The following PALM2AKAP2 variants were observed in gnomAD, a reference collection of about 807,000 sequenced individuals.
PALM2AKAP2 encodes PALM2-AKAP2 fusion protein.
A neutral mutation model predicts 71.5 loss-of-function variants in PALM2AKAP2; 37 were observed. That is an observed-to-expected ratio of 0.52 (90% CI 0.40 to 0.68). PALM2AKAP2 has a LOEUF of 0.68. Ranked by LOEUF, PALM2AKAP2 falls within the 30% of genes least tolerant of loss-of-function variation. The probability of loss-of-function intolerance (pLI) is 0.00; values close to 1 mark genes in which losing one functional copy is unlikely to be tolerated. For synonymous variants in PALM2AKAP2, 468 were observed against 478.8 expected (o/e 0.98, Z 0.29); for missense variants, 1,224 against 1,191.8 (o/e 1.03, Z -0.40).
At chr9:110,009,975 GAC>G (rs1832851131) in intron 6 of PALM2AKAP2, among the ~76,000 whole-genome samples, 1 of 152,186 alleles carries the variant, frequency 6.6e-6, no homozygotes, top group African/African-American at 2.4e-5. Context: ...TGTGAATGGA[GAC>G]ACAGATGTTG....
At chr9:109,681,326 T>C (rs182178734) in intron 1 of PALM2AKAP2, among the ~76,000 whole-genome samples, 16 of 152,336 alleles carry the variant, frequency 1.1e-4, no homozygotes, top group East Asian at 5.8e-4. Context: ...ATAGCTGTAA[T>C]TGGTTATTTA....
chr9:110,111,940 A>G (rs1015749075), intron 1 of PALM2AKAP2, among the ~76,000 whole-genome samples: 3 of 151,638 alleles, frequency 2.0e-5, no homozygotes, highest in Non-Finnish European at 4.4e-5. Context: ...TCAGATCCCC[A>G]CCTTCTGCCC....
At chr9:110,084,527 C>T (rs1834516895) in intron 1 of PALM2AKAP2, among the ~76,000 whole-genome samples, 1 of 152,122 alleles carries the variant, frequency 6.6e-6, no homozygotes, top group African/African-American at 2.4e-5. Context: ...CCAGGAGCTT[C>T]CTCAGATACC....
upstream of PALM2AKAP2, among the ~76,000 whole-genome samples, chr9:110,044,669 T>A (rs1422225653): frequency 6.6e-6 from 1 of 151,536 alleles, no homozygotes; most frequent in African/African-American, 2.4e-5. Flanking sequence ...TTTCTTACTT[T>A]TTTTTTTTTT....
chr9:110,015,126 G>A (rs1247285271), intron 6 of PALM2AKAP2, among the ~76,000 whole-genome samples: 2 of 151,836 alleles, frequency 1.3e-5, no homozygotes, highest in African/African-American at 4.8e-5. Flanking sequence ...AGAGAACATG[G>A]GCAGATTTTA....
At chr9:109,858,152 G>A (rs1029780818) in intron 1 of PALM2AKAP2, among the ~76,000 whole-genome samples, 8 of 152,120 alleles carry the variant, frequency 5.3e-5, no homozygotes, top group African/African-American at 1.9e-4. Flanking sequence ...TATTTCAGAC[G>A]GAGTTCCAAT....
intron 1 of PALM2AKAP2, among the ~76,000 whole-genome samples, chr9:109,662,278 A>G (rs1003598063): frequency 6.6e-6 from 1 of 152,208 alleles, no homozygotes; most frequent in Admixed American, 6.5e-5. Context: ...GTTTTTGCCC[A>G]TTCAATATGA....
chr9:110,022,389 C>T (rs1833087876), intron 7 of PALM2AKAP2, among the ~76,000 whole-genome samples: 2 of 152,086 alleles, frequency 1.3e-5, no homozygotes, highest in Non-Finnish European at 2.9e-5. Flanking sequence ...CCCTGCTGGC[C>T]TTCCCATGGC....
chr9:109,849,483 C>T (rs1026338973), intron 1 of PALM2AKAP2, among the ~76,000 whole-genome samples: 3 of 152,324 alleles, frequency 2.0e-5, no homozygotes, highest in African/African-American at 7.2e-5. Flanking sequence ...CGCGGTAGCT[C>T]ACACCTGTAA....
intron 1 of PALM2AKAP2, among the ~76,000 whole-genome samples, chr9:109,709,301 G>A (rs1828190508): frequency 6.6e-6 from 1 of 152,228 alleles, no homozygotes; most frequent in African/African-American, 2.4e-5. Flanking sequence ...GTGCTTGGAT[G>A]CCTGACACTT....
intron 1 of PALM2AKAP2, among the ~76,000 whole-genome samples, chr9:109,686,896 C>G (rs1465312005): frequency 6.7e-6 from 1 of 149,582 alleles, no homozygotes; most frequent in Non-Finnish European, 1.5e-5. Context: ...TCTCATTGTT[C>G]AATTCCCACC....
intron 3 of PALM2AKAP2, among the ~76,000 whole-genome samples, chr9:109,919,931 C>T (rs1285741356): frequency 6.6e-6 from 1 of 152,090 alleles, no homozygotes; most frequent in African/African-American, 2.4e-5. Flanking sequence ...CTAGGCTGGG[C>T]TTAGCTGAGT....
chr9:110,086,968 G>A (rs1834588568), intron 1 of PALM2AKAP2, among the ~76,000 whole-genome samples: 1 of 152,120 alleles, frequency 6.6e-6, no homozygotes, highest in Non-Finnish European at 1.5e-5. Context: ...TGCCACTCCA[G>A]ACTTCACTGT....
At chr9:109,968,906 C>T (rs1832007765) in intron 6 of PALM2AKAP2, among the ~76,000 whole-genome samples, 1 of 152,112 alleles carries the variant, frequency 6.6e-6, no homozygotes, top group South Asian at 2.1e-4. Context: ...GGGAGTGACC[C>T]CAGACCCAGT....
chr9:109,898,414 A>AT (rs780112483), intron 3 of PALM2AKAP2, among the ~76,000 whole-genome samples: 2 of 151,974 alleles, frequency 1.3e-5, no homozygotes, highest in East Asian at 1.9e-4. Flanking sequence ...TTGAAAACAC[A>AT]TTTTTTTTCA....
At chr9:109,878,295 A>G (rs577394098) in intron 2 of PALM2AKAP2, among the ~76,000 whole-genome samples, 1 of 152,216 alleles carries the variant, frequency 6.6e-6, no homozygotes, top group South Asian at 2.1e-4. Context: ...AGCACATTCA[A>G]CAGGCAGCAT....
Position 109,646,012 on chromosome 9 carries a change from AAAAG to A in PALM2AKAP2, c.5+5158_5+5161del, listed in dbSNP as rs1333846267. 3.9e-5 allele frequency among the ~76,000 whole-genome samples: 6 copies of A among 152,196 alleles called. No individual in the cohort carries two copies. The South Asian group carries it at 1.0e-3, about 26-fold the overall frequency. On this transcript the variant is annotated intron_variant, in intron 1 of 6. Coordinates refer to the PALM2AKAP2 transcript ENST00000374531. Reference sequence around the variant, plus strand: ...ATCCAAAGCAAGCAGAAAAAGAAATAAAAGAAAGAAAGAAAAATCTAGGTAATAA... The same window carrying A: ...ATCCAAAGCAAGCAGAAAAAGAAATAAAAGAAAGAAAAATCTAGGTAATAA...
intron 6 of PALM2AKAP2, among the ~76,000 whole-genome samples, chr9:109,962,818 T>C (rs943870508): frequency 1.3e-5 from 2 of 152,170 alleles, no homozygotes; most frequent in East Asian, 3.9e-4. Flanking sequence ...AACTTTTGTA[T>C]TTTTAGTAGA....
intron 1 of PALM2AKAP2, among the ~76,000 whole-genome samples, chr9:110,086,489 T>A (rs1490940353): frequency 2.0e-5 from 3 of 152,220 alleles, no homozygotes; most frequent in Non-Finnish European, 2.9e-5. Flanking sequence ...CTGCAGAGAA[T>A]GACTTGTACC....
Sources: allele counts gnomAD v4.1 joint callset (sites outside exome capture counted in the v4.1 genomes callset), GRCh38; gene constraint gnomAD v4.1.1; transcripts MANE v1.5; gene names NCBI Gene and HGNC (gene_info 2026-07-23, HGNC 2026-07-21).